INPP5F: variants seen among roughly 807,000 people sequenced by gnomAD.
The protein encoded by INPP5F is phosphatidylinositide 4-phosphatase SAC2.
INPP5F carries 97 observed loss-of-function variants against 137.2 expected under a neutral mutation model. That is an observed-to-expected ratio of 0.71 (90% CI 0.60 to 0.84). INPP5F has a LOEUF of 0.84. Ranked by LOEUF, INPP5F falls within the 40% of genes least tolerant of loss-of-function variation. INPP5F has a pLI of 0.00. For missense variants in INPP5F, 1,271 were observed against 1,371.9 expected (o/e 0.93, Z 1.16); for synonymous variants, 504 against 476.9 (o/e 1.06, Z -0.74).
At chr10:119,809,226 CAAAAA>C (rs71019722) in intron 13 of INPP5F, among the ~76,000 whole-genome samples, 693 of 58,852 alleles carry the variant, frequency 0.012, 3 homozygotes, top group Middle Eastern at 0.075. Context: ...GACTCTGTCT[CAAAAA>C]AAAAAAAAAA....
intron 15 of INPP5F, chr10:119,818,787 C>T (rs1001369536): frequency 6.6e-6 from 1 of 152,248 alleles, no homozygotes; most frequent in Non-Finnish European, 1.5e-5. Flanking sequence ...CATCGACGGA[C>T]GGACAGACGG....
chr10:119,792,048 AG>A lies in INPP5F; in HGVS notation c.612+13del, dbSNP rs1820119314. On this transcript the variant is annotated intron_variant, in intron 5 of 19. Transcript: ENST00000650623. ...CCCTCTGGCAGAAGGTACCACTCAC[AG>A]CTCGTAGAGCAGGGTTTGCACTTGG... The A allele has an allele frequency of 1.2e-6, 2 of 1,614,122 alleles. No individual in the cohort carries two copies. The highest frequency in any genetic ancestry group is 2.7e-5 in the African/African-American group (2 of 74,952).
chr10:119,781,155 T>C (rs1030015465), intron 2 of INPP5F, among the ~76,000 whole-genome samples: 1 of 152,258 alleles, frequency 6.6e-6, no homozygotes, highest in African/African-American at 2.4e-5. Context: ...ATTGTAATTA[T>C]AAAATAGGCT....
chr10:119,806,556 A>G (rs1850797181), intron 12 of INPP5F, 76 bp downstream of exon 12: 1 of 1,332,498 alleles, frequency 7.5e-7, no homozygotes, highest in Non-Finnish European at 1.0e-6. Context: ...AAATAGCTAA[A>G]TATTTTTCAA....
chr10:119,768,587 T>A (rs1323759204), intron 2 of INPP5F: 1 of 152,250 alleles, frequency 6.6e-6, no homozygotes, highest in Non-Finnish European at 1.5e-5. Flanking sequence ...AATTCTCCTG[T>A]GCTAGCTCCT....
intron 1 of INPP5F, among the ~76,000 whole-genome samples, chr10:119,734,076 T>G (rs1292603849): frequency 1.3e-5 from 2 of 152,222 alleles, no homozygotes; most frequent in African/African-American, 4.8e-5. Flanking sequence ...AATTTCTCAC[T>G]GTCATTTTAT....
chr10:119,736,923 G>C (rs150043778), intron 1 of INPP5F, among the ~76,000 whole-genome samples: 1 of 152,030 alleles, frequency 6.6e-6, no homozygotes. Context: ...TCCTGGGCTC[G>C]GGTGATCCTC....
At chr10:119,730,636 A>G (rs1411844887) in intron 1 of INPP5F, among the ~76,000 whole-genome samples, 1 of 152,154 alleles carries the variant, frequency 6.6e-6, no homozygotes, top group African/African-American at 2.4e-5. Flanking sequence ...GTATTATATA[A>G]TTTATAGCTG....
intron 6 of INPP5F, among the ~76,000 whole-genome samples, chr10:119,796,216 A>T (rs1041599107): frequency 2.0e-5 from 3 of 151,720 alleles, no homozygotes; most frequent in Admixed American, 6.5e-5. Flanking sequence ...TTTTTTTTCT[A>T]AGCCAGAAAA....
chr10:119,827,873 GA>G lies in INPP5F; in HGVS notation c.*94del. The G allele has an allele frequency of 3.1e-6, 3 of 964,516 alleles. No homozygotes were observed. Among genetic ancestry groups the G allele is most frequent in the Non-Finnish European group, 4.6e-6 (3 of 650,698 alleles). 59.7% of individuals were successfully genotyped at this position (964,516 alleles called of 1,614,324 possible). A position where few individuals can be genotyped will look rare whatever the true frequency, so the allele number is the denominator to read the frequency against. On this transcript the variant is annotated 3_prime_UTR_variant, in exon 20 of 20. Coordinates refer to ENST00000650623, the MANE Select transcript of INPP5F (RefSeq NM_014937.4). Reference sequence around the variant, plus strand: ...TTTAATTGTACTGTCTGAACCCAGGGATCACAAATTCTGTTCATTGGAAAGG... The same window carrying G: ...TTTAATTGTACTGTCTGAACCCAGGGTCACAAATTCTGTTCATTGGAAAGG...
intron 1 of INPP5F, among the ~76,000 whole-genome samples, chr10:119,749,834 C>T (rs1848640838): frequency 6.6e-6 from 1 of 152,058 alleles, no homozygotes; most frequent in Non-Finnish European, 1.5e-5. Context: ...GCTGGAGTGC[C>T]GTGGTGCGAT....
In INPP5F at chr10:119,807,961, A is replaced by C. The variant is rs200271284; in HGVS notation, c.1470A>C (p.Glu490Asp). 218 of 1,613,148 alleles carry C rather than the reference A, an allele frequency of 1.4e-4. No individual in the cohort carries two copies. In the Middle Eastern group the frequency reaches 1.7e-3, roughly 12 times the overall value. The change falls in exon 13 of 20, where the codon GAA becomes GAC. Residue 490 changes from glutamate to aspartate, a missense_variant. By Grantham distance (45) the Glu-to-Asp change is conservative. This residue lies in a region of INPP5F where 593 missense variants were observed against 712.4 expected (regional missense o/e 0.83). Coordinates refer to ENST00000650623, the MANE Select transcript of INPP5F (RefSeq NM_014937.4). ...AAAAATTAGGTGTGATGCCCCCGGA[A>C]CAGCCATTACCTGTGAAATGTAATC... is the stretch of plus-strand genomic sequence containing the variant. ...QLKKLGVMPPEQPLPVKCNRI... is the reference protein window; with the variant it reads ...QLKKLGVMPPDQPLPVKCNRI...
At chr10:119,757,060 T>G (rs1848869347) in intron 2 of INPP5F, among the ~76,000 whole-genome samples, 1 of 137,468 alleles carries the variant, frequency 7.3e-6, no homozygotes, top group African/African-American at 2.8e-5. Flanking sequence ...CAGTTGAGAT[T>G]TCTTTACTTT....
chr10:119,778,179 G>C (rs1016078223), intron 2 of INPP5F, among the ~76,000 whole-genome samples: 6 of 151,704 alleles, frequency 4.0e-5, no homozygotes, highest in African/African-American at 1.5e-4. Flanking sequence ...GCTAATTTTT[G>C]TTATTTTTAG....
chr10:119,812,378 CTTT>C lies in INPP5F; in HGVS notation c.1886+436_1886+438del, dbSNP rs201760506. Among the ~76,000 whole-genome samples, 341 of 145,550 alleles carry C rather than the reference CTTT, an allele frequency of 2.3e-3. 9 individuals carry two copies. The East Asian group carries it at 0.056, about 24-fold the overall frequency. ...TAAAATAAATAGGTCAACTAATATT[CTTT>C]TTTTTTTTTTTTAACAAAAACCGGT... On this transcript the variant is annotated intron_variant, in intron 15 of 19. Transcript: ENST00000650623.
Position 119,823,105 on chromosome 10 carries a change from C to T in INPP5F, c.2067C>T (p.Phe689=). The change falls in exon 18 of 20, where the codon TTC becomes TTT. Residue 689 remains phenylalanine (F), a synonymous_variant. Transcript: ENST00000650623. The part of the protein sequence containing the change: ...PEPTLFGKPK[F]SCMRLHYRYK... The stretch of plus-strand genomic sequence containing the variant: ...CCACTCTTTTTGGTAAGCCAAAGTT[C>T]TCCTGCATGCGACTGCACTACAGAT... 1.2e-6 allele frequency: 2 copies of T among 1,613,934 alleles called. No homozygotes were observed. Among genetic ancestry groups the T allele is most frequent in the Non-Finnish European group, 1.7e-6 (2 of 1,179,880 alleles).
chr10:119,791,539 G>T lies in INPP5F; in HGVS notation c.338G>T (p.Gly113Val). 1 of 1,602,162 alleles carries T rather than the reference G, an allele frequency of 6.2e-7. No homozygotes were observed. The change falls in exon 4 of 20, where the codon GGT (glycine) becomes GTT (valine). Residue 113 changes from glycine (G) to valine (V), a missense_variant. Physicochemically the swap from Gly to Val is moderately radical, Grantham distance 109. Around this residue, in one of 6 missense-constraint regions of INPP5F, gnomAD observed 62 missense variants for 55.0 expected, o/e 1.13. Transcript: ENST00000650623. ...TAGCTCTGTAAGAAGCATCATTTTG[G>T]TATTAACAAACCAGAGAAGATCATA... ...ELELCKKHHFGINKPEKIIPS... is the reference protein window; with the variant it reads ...ELELCKKHHFVINKPEKIIPS...
chr10:119,790,569 A>G (rs1038054230), intron 3 of INPP5F, among the ~76,000 whole-genome samples: 28 of 152,196 alleles, frequency 1.8e-4, no homozygotes, highest in African/African-American at 6.8e-4. Flanking sequence ...TCTCTCAATC[A>G]AAGCTTAAAC....
At chr10:119,763,131 A>G (rs1849054580) in intron 2 of INPP5F, among the ~76,000 whole-genome samples, 1 of 152,240 alleles carries the variant, frequency 6.6e-6, no homozygotes, top group South Asian at 2.1e-4. Context: ...AAGAAGAAAG[A>G]GGCAGTGGAG....
Sources: allele counts gnomAD v4.1 joint callset (sites outside exome capture counted in the v4.1 genomes callset), GRCh38; gene constraint gnomAD v4.1.1; regional missense constraint gnomAD v4.1.1; transcripts MANE v1.5; gene names NCBI Gene and HGNC (gene_info 2026-07-23, HGNC 2026-07-21).